Variants in RCAN3 observed in about 807,000 individuals in gnomAD.
RCAN3 encodes the protein calcipressin-3.
A neutral mutation model predicts 21.9 loss-of-function variants in RCAN3; 19 were observed. The ratio of observed to expected loss-of-function variants is 0.87; its 90% CI spans 0.61 to 1.27. The LOEUF is 1.27. Ranked by LOEUF, RCAN3 falls within the 50% of genes most tolerant of loss-of-function variation. The pLI, the probability that RCAN3 is intolerant of heterozygous loss-of-function variation, is 0.00. For missense variants in RCAN3, 240 were observed against 300.1 expected (o/e 0.80, Z 1.48); for synonymous variants, 114 against 112.3 (o/e 1.01, Z -0.09).
intron 4 of RCAN3, among the ~76,000 whole-genome samples, chr1:24,534,798 C>T (rs1422972522): frequency 6.6e-6 from 1 of 152,046 alleles, no homozygotes; most frequent in Admixed American, 6.5e-5. Context: ...GACTCCATCT[C>T]AAATAAATAA....
In RCAN3 at chr1:24,535,086, T is replaced by A; in HGVS notation, c.542-7T>A. 3 of 1,594,926 alleles carry A rather than the reference T, an allele frequency of 1.9e-6. No homozygotes were observed. The highest frequency in any genetic ancestry group is 2.6e-6 in the Non-Finnish European group (3 of 1,173,588). On this transcript the variant is annotated splice_region_variant and splice_polypyrimidine_tract_variant and intron_variant, in intron 4 of 4. Coordinates refer to ENST00000374395, the MANE Select transcript of RCAN3 (RefSeq NM_013441.4). Reference sequence around the variant, plus strand: ...TTTTGTCATGGTTATTTTGTTTGCCTCTGCAGGAGAGAAATATGAACTTCA... The same window carrying A: ...TTTTGTCATGGTTATTTTGTTTGCCACTGCAGGAGAGAAATATGAACTTCA...
At position 24,531,203 on chromosome 1, in the gene RCAN3, G is replaced by A; in HGVS notation, c.196-15G>A. On this transcript the variant is annotated splice_polypyrimidine_tract_variant and intron_variant, in intron 2 of 4. Coordinates refer to ENST00000374395, the MANE Select transcript of RCAN3 (RefSeq NM_013441.4). Reference sequence around the variant, plus strand: ...TTCCTCCCCTTCCCTTTGCCTTGCTGCTCCTTAATTGTAGGAAAGATTTGA... The same window carrying A: ...TTCCTCCCCTTCCCTTTGCCTTGCTACTCCTTAATTGTAGGAAAGATTTGA... 2.1e-6 allele frequency: 3 copies of A among 1,451,882 alleles called. 1 individual carries two copies. The highest frequency in any genetic ancestry group is 3.2e-5 in the South Asian group (2 of 63,266). The allele number at this position is 1,451,882 out of a possible 1,614,324, so 89.9% of individuals were successfully genotyped here.
chr1:24,533,074 T>C lies in RCAN3; in HGVS notation c.370-9T>C. 1 of 1,420,642 alleles carries C rather than the reference T, an allele frequency of 7.0e-7. No individual in the cohort carries two copies. Among genetic ancestry groups the C allele is most frequent in the Non-Finnish European group, 9.2e-7 (1 of 1,083,094 alleles). The allele number at this position is 1,420,642 out of a possible 1,614,324, so 88.0% of individuals were successfully genotyped here. On this transcript the variant is annotated splice_polypyrimidine_tract_variant and intron_variant, in intron 3 of 4. Transcript: ENST00000374395. ...TGCAAACTGGCTTTGAGCGTCTCGC[T>C]CCCTGCAGGTGCAGATGTCCGGCGA...
intron 2 of RCAN3, among the ~76,000 whole-genome samples, chr1:24,518,021 T>G (rs1322387818): frequency 1.3e-5 from 2 of 151,982 alleles, no homozygotes; most frequent in Admixed American, 1.3e-4. Context: ...ATTAAACACT[T>G]TAATTTCAAA....
chr1:24,520,164 T>C (rs1404554666), intron 2 of RCAN3, among the ~76,000 whole-genome samples: 1 of 152,238 alleles, frequency 6.6e-6, no homozygotes, highest in Non-Finnish European at 1.5e-5. Flanking sequence ...AGAATATCTC[T>C]GTTATAGTTA....
intron 2 of RCAN3, among the ~76,000 whole-genome samples, chr1:24,530,818 C>G (rs1649700329): frequency 6.6e-6 from 1 of 152,186 alleles, no homozygotes; most frequent in African/African-American, 2.4e-5. Flanking sequence ...CAAGACCAGC[C>G]TAGCCAACAT....
At chr1:24,516,589 G>A (rs56843733) in intron 2 of RCAN3, among the ~76,000 whole-genome samples, 4,041 of 152,290 alleles carry the variant, frequency 0.027, 79 homozygotes, top group African/African-American at 0.05. Flanking sequence ...GACTAGAAGA[G>A]TGAGTATGCG....
rs1360333456 is a variant in RCAN3 at position 24,514,531 on chromosome 1, C to T, written c.159C>T (p.Ser53=). ...SDLPTSLFAC[S]VHEAVFEARE... is the part of the protein sequence containing the mutation. ...TGCCTACCTCACTTTTTGCTTGCAG[C>T]GTCCATGAAGCAGTGTTTGAGGCAC... Residue 53 remains serine, a synonymous_variant, in exon 2 of 5, where the codon AGC becomes AGT. Transcript: ENST00000374395. The T allele has an allele frequency of 1.8e-5, 29 of 1,613,906 alleles. No individual in the cohort carries two copies. Among genetic ancestry groups the T allele is most frequent in the African/African-American group, 8.0e-5 (6 of 74,888 alleles).
At chr1:24,533,051 C>T in intron 3 of RCAN3, 32 bp from the exon 4 acceptor site, 1 of 1,350,634 alleles carries the variant, frequency 7.4e-7, no homozygotes, top group South Asian at 2.3e-5. Flanking sequence ...GCCCGGTTTG[C>T]AAACTGGCTT....
In RCAN3 at chr1:24,538,248, C is replaced by T. The variant is rs1650333446; in HGVS notation, c.*2971C>T. ...GTTCCATTGCCTTCGAGAACTAAAACTCAGCTGGAAAGCAAATTAGTCTTT... is the reference window on the plus strand; with the variant it reads ...GTTCCATTGCCTTCGAGAACTAAAATTCAGCTGGAAAGCAAATTAGTCTTT... On this transcript the variant is annotated 3_prime_UTR_variant, in exon 5 of 5. Transcript: ENST00000374395. The T allele has an allele frequency of 6.6e-6, 1 of 152,154 alleles. No individual in the cohort carries two copies. The highest frequency in any genetic ancestry group is 1.5e-5 in the Non-Finnish European group (1 of 68,026). 9.4% of individuals were successfully genotyped at this position (152,154 alleles called of 1,614,324 possible).
chr1:24,520,826 G>T (rs1443043157), intron 2 of RCAN3, among the ~76,000 whole-genome samples: 1 of 151,600 alleles, frequency 6.6e-6, no homozygotes, highest in East Asian at 1.9e-4. Flanking sequence ...AAAACTTAAA[G>T]TATAATAATA....
chr1:24,514,810 A>C (rs901013158), intron 2 of RCAN3, among the ~76,000 whole-genome samples: 1 of 152,010 alleles, frequency 6.6e-6, no homozygotes, highest in African/African-American at 2.4e-5. Context: ...CTCTACTAAA[A>C]ATGCAAAAAC....
At chr1:24,523,208 C>T (rs1648960036) in intron 2 of RCAN3, among the ~76,000 whole-genome samples, 2 of 152,006 alleles carry the variant, frequency 1.3e-5, no homozygotes, top group African/African-American at 4.8e-5. Context: ...GGATTACAGG[C>T]ACCTGCCACT....
chr1:24,535,201 A>C lies in RCAN3; in HGVS notation c.650A>C (p.Lys217Thr). 1 of 1,593,968 alleles carries C rather than the reference A, an allele frequency of 6.3e-7. No homozygotes were observed. The highest frequency in any genetic ancestry group is 8.5e-7 in the Non-Finnish European group (1 of 1,172,726). The change falls in exon 5 of 5, where the codon AAA becomes ACA. Residue 217 changes from lysine to threonine, a missense_variant. Transcript: ENST00000374395. ...GAAGAGACAAAAAACCCCAAACAGA[A>C]AATTGCCCAGACGAGGCGCCCCGAC... The part of the protein sequence containing the change: ...EEEETKNPKQ[K>T]IAQTRRPDPP...
intron 1 of RCAN3, among the ~76,000 whole-genome samples, chr1:24,509,231 TGGC>T (rs1307072942): frequency 6.6e-6 from 1 of 152,234 alleles, no homozygotes; most frequent in Non-Finnish European, 1.5e-5. Context: ...TTGAGGTTGA[TGGC>T]TGCTGACTGA....
Position 24,525,996 on chromosome 1 carries a change from C to T in RCAN3, c.196-5222C>T, listed in dbSNP as rs944129783. ...CACGTATTTCATAACCATATTTATG[C>T]TACTTCAAGGGGAAAATGGGTGTGG... On this transcript the variant is annotated intron_variant, in intron 2 of 4. Coordinates refer to ENST00000374395, the MANE Select transcript of RCAN3 (RefSeq NM_013441.4). The surrounding 1 kb of genome is among the most constrained non-coding windows in gnomAD (Gnocchi z 4.1). Among the ~76,000 whole-genome samples, 3 of 152,170 alleles carry T rather than the reference C, an allele frequency of 2.0e-5. No individual in the cohort carries two copies. Among genetic ancestry groups the T allele is most frequent in the Non-Finnish European group, 2.9e-5 (2 of 68,032 alleles).
At chr1:24,515,880 C>A (rs1397900179) in intron 2 of RCAN3, among the ~76,000 whole-genome samples, 1 of 152,100 alleles carries the variant, frequency 6.6e-6, no homozygotes, top group East Asian at 1.9e-4. Flanking sequence ...CGTGGTGGCT[C>A]ATGCTTGTAG....
chr1:24,520,903 C>G (rs982177216), intron 2 of RCAN3, among the ~76,000 whole-genome samples: 3 of 152,184 alleles, frequency 2.0e-5, no homozygotes, highest in East Asian at 3.9e-4. Flanking sequence ...TCTACAGATT[C>G]AACTCAATCC....
At chr1:24,506,211 G>T (rs1647433423) in intron 1 of RCAN3, among the ~76,000 whole-genome samples, 1 of 152,002 alleles carries the variant, frequency 6.6e-6, no homozygotes, top group African/African-American at 2.4e-5. Context: ...AGTTGGAGTG[G>T]AGCTATAATT....
Sources: allele counts gnomAD v4.1 joint callset (sites outside exome capture counted in the v4.1 genomes callset), GRCh38; gene constraint gnomAD v4.1.1; non-coding constraint Gnocchi (gnomAD v3.1); transcripts MANE v1.5; gene names NCBI Gene and HGNC (gene_info 2026-07-23, HGNC 2026-07-21).